Variants in RAPGEF6 observed in about 807,000 individuals in gnomAD.
RAPGEF6 encodes Rap guanine nucleotide exchange factor 6.
In RAPGEF6, 56 loss-of-function variants were observed where a neutral mutation model predicts 171.4. The ratio of observed to expected loss-of-function variants is 0.33; its 90% CI spans 0.26 to 0.41. The LOEUF is 0.41. Ranked by LOEUF, RAPGEF6 falls within the 10% of genes least tolerant of loss-of-function variation. The pLI is 1.00. For missense variants in RAPGEF6, 1,674 were observed against 1,921.4 expected (o/e 0.87, Z 2.41); for synonymous variants, 692 against 650.1 (o/e 1.06, Z -0.98).
At chr5:131,558,274 A>G (rs1266555361) in intron 5 of RAPGEF6, among the ~76,000 whole-genome samples, 2 of 151,244 alleles carry the variant, frequency 1.3e-5, no homozygotes, top group South Asian at 2.1e-4. Context: ...ACTTGCTTTA[A>G]GCTTTCCATA....
At chr5:131,483,332 GAGTAAGACTCTGTCTC>G (rs1353727411) in intron 15 of RAPGEF6, among the ~76,000 whole-genome samples, 1 of 136,570 alleles carries the variant, frequency 7.3e-6, no homozygotes, top group Non-Finnish European at 1.5e-5. Flanking sequence ...CTGGGCAACA[GAGTAAGACTCTGTCTC>G]AAAAAAAAAA....
At chr5:131,568,096 G>C (rs1289567573) in intron 4 of RAPGEF6, among the ~76,000 whole-genome samples, 1 of 152,132 alleles carries the variant, frequency 6.6e-6, no homozygotes, top group Non-Finnish European at 1.5e-5. Context: ...GTATACAGCA[G>C]ATAATAGGAT....
At chr5:131,612,338 T>C (rs753046001) in intron 1 of RAPGEF6, among the ~76,000 whole-genome samples, 46 of 151,880 alleles carry the variant, frequency 3.0e-4, no homozygotes, top group Non-Finnish European at 5.9e-4. Context: ...CACTTTATTA[T>C]AAAATAGGCT....
chr5:131,487,226 C>T (rs909434967), intron 15 of RAPGEF6, among the ~76,000 whole-genome samples: 3 of 152,118 alleles, frequency 2.0e-5, no homozygotes, highest in East Asian at 1.9e-4. Context: ...ACCTTCGCGG[C>T]GAGTGTTACA....
chr5:131,443,778 T>C (rs901202410), intron 22 of RAPGEF6, among the ~76,000 whole-genome samples: 2 of 152,228 alleles, frequency 1.3e-5, no homozygotes, highest in Admixed American at 6.5e-5. Context: ...GTAAGGACTA[T>C]GCATTTTGTT....
Position 131,431,322 on chromosome 5 carries a change from G to T in RAPGEF6, c.4002C>A (p.Ile1334=), listed in dbSNP as rs772386573. ...PGWTLLKPSL[I]KCLAVSSSVS... ...CAGACGATGAGACAGCTAAACACTT[G>T]ATTAGAGATGGCTTCAAGAGTGTCC... is the stretch of plus-strand genomic sequence containing the variant. The change falls in exon 26 of 28, where the codon ATC becomes ATA. Residue 1334 remains isoleucine, a synonymous_variant. Transcript: ENST00000509018. 26 of 1,607,566 alleles carry T rather than the reference G, an allele frequency of 1.6e-5. No homozygotes were observed. The highest frequency in any genetic ancestry group is 5.5e-5 in the South Asian group (5 of 90,960).
rs547289233 is a variant in RAPGEF6 at position 131,578,046 on chromosome 5, G to A, written c.281+14337C>T. The stretch of plus-strand genomic sequence containing the variant: ...ATGCCCTGCCCTTGTTTACACTGCC[G>A]GTTTACACTTTTCCTCCGAACCATC... On this transcript the variant is annotated intron_variant, in intron 4 of 27. Coordinates refer to ENST00000509018, the MANE Select transcript of RAPGEF6 (RefSeq NM_016340.6). 3.3e-5 allele frequency among the ~76,000 whole-genome samples: 5 copies of A among 152,066 alleles called. No individual in the cohort carries two copies. In the East Asian group the frequency reaches 5.8e-4, roughly 18 times the overall value.
At chr5:131,482,981 A>G (rs1755589756) in intron 15 of RAPGEF6, among the ~76,000 whole-genome samples, 1 of 152,230 alleles carries the variant, frequency 6.6e-6, no homozygotes, top group Non-Finnish European at 1.5e-5. Context: ...ATTTTCTGTT[A>G]GAGCAAAAGG....
At chr5:131,458,651 G>T (rs1402612890) in intron 19 of RAPGEF6, among the ~76,000 whole-genome samples, 1 of 152,080 alleles carries the variant, frequency 6.6e-6, no homozygotes, top group South Asian at 2.1e-4. Flanking sequence ...AACATCAACA[G>T]AACTTTTTCT....
chr5:131,489,057 G>A (rs939224103), intron 15 of RAPGEF6, among the ~76,000 whole-genome samples: 13 of 152,152 alleles, frequency 8.5e-5, no homozygotes, highest in African/African-American at 2.9e-4. Flanking sequence ...GGTAGAGTAT[G>A]CTCTTATTAG....
At chr5:131,627,180 T>C (rs528109873) in intron 1 of RAPGEF6, among the ~76,000 whole-genome samples, 113 of 152,300 alleles carry the variant, frequency 7.4e-4, no homozygotes, top group South Asian at 6.2e-3. Flanking sequence ...CAACAGATTA[T>C]GAAGGAAGAG....
At position 131,498,497 on chromosome 5, in the gene RAPGEF6, C is replaced by G; in HGVS notation, c.1365G>C (p.Leu455Phe). The change falls in exon 12 of 28, where the codon TTG (leucine) becomes TTC (phenylalanine). Residue 455 changes from leucine to phenylalanine, a missense_variant. Around this residue, in one of 3 missense-constraint regions of RAPGEF6, gnomAD observed 1,116 missense variants for 1,321.5 expected, o/e 0.84. Transcript: ENST00000509018. ...ATTCCAATAGTTTGATCCCAACATC[C>G]AAAGGACTTTCAAGAAATGTCCTGT... is the stretch of plus-strand genomic sequence containing the variant. ...LTYRTFLESP[L>F]DVGIKLLEWF... The G allele has an allele frequency of 1.2e-6, 2 of 1,613,688 alleles. No individual in the cohort carries two copies. Among genetic ancestry groups the G allele is most frequent in the Non-Finnish European group, 1.7e-6 (2 of 1,179,938 alleles).
intron 1 of RAPGEF6, among the ~76,000 whole-genome samples, chr5:131,610,123 T>C (rs959971021): frequency 6.6e-6 from 1 of 152,152 alleles, no homozygotes; most frequent in Non-Finnish European, 1.5e-5. Context: ...CAGACCTCTA[T>C]ATGGAGCAGT....
Position 131,614,983 on chromosome 5 carries a change from C to A in RAPGEF6, c.70-10290G>T, listed in dbSNP as rs147006003. On this transcript the variant is annotated intron_variant, in intron 1 of 27. Transcript: ENST00000509018. ...CAGCACAATCAGCATCATTTAGGAA[C>A]TTTGTAGAAATGTAAATTATCAGGC... Among the ~76,000 whole-genome samples, 158 of 152,284 alleles carry A rather than the reference C, an allele frequency of 1.0e-3. 1 individual carries two copies. Among genetic ancestry groups the A allele is most frequent in the African/African-American group, 3.6e-3 (151 of 41,556 alleles).
intron 4 of RAPGEF6, among the ~76,000 whole-genome samples, chr5:131,563,695 G>A (rs1006354327): frequency 3.9e-5 from 6 of 151,976 alleles, no homozygotes; most frequent in Non-Finnish European, 5.9e-5. Flanking sequence ...GTAGAGACAG[G>A]GGTTTTGTCA....
chr5:131,578,457 G>A (rs1762733561), intron 4 of RAPGEF6, among the ~76,000 whole-genome samples: 1 of 152,078 alleles, frequency 6.6e-6, no homozygotes, highest in Admixed American at 6.6e-5. Context: ...ACCTGCCTGA[G>A]GAACTTCTTT....
intron 1 of RAPGEF6, among the ~76,000 whole-genome samples, chr5:131,618,601 G>A (rs1188535381): frequency 6.6e-6 from 1 of 152,168 alleles, no homozygotes; most frequent in Non-Finnish European, 1.5e-5. Context: ...TCACACCACT[G>A]CACTGCAGCC....
chr5:131,472,498 G>C (rs746349212), intron 17 of RAPGEF6, 89 bp downstream of exon 17: 1 of 1,427,696 alleles, frequency 7.0e-7, no homozygotes, highest in Middle Eastern at 1.8e-4. Context: ...AGGGCTGCAA[G>C]TAACTCTAGC....
intron 1 of RAPGEF6, among the ~76,000 whole-genome samples, chr5:131,617,026 C>T (rs1396408850): frequency 1.3e-5 from 2 of 152,180 alleles, no homozygotes; most frequent in Non-Finnish European, 2.9e-5. Context: ...AGAAAAATGT[C>T]CCAGGATAGA....
Sources: gnomAD v4.1 joint callset for allele counts (sites outside exome capture counted in the v4.1 genomes callset) on GRCh38, gnomAD v4.1.1 for gene constraint, gnomAD v4.1.1 regional missense constraint, MANE v1.5 for transcripts, NCBI Gene and HGNC (gene_info 2026-07-23, HGNC 2026-07-21) for gene names.